The following NIBAN3 variants were observed in gnomAD, a reference collection of about 807,000 sequenced individuals.
NIBAN3 encodes the protein protein Niban 3.
NIBAN3 carries 66 observed loss-of-function variants against 76.4 expected under a neutral mutation model. That is an observed-to-expected ratio of 0.86 (90% CI 0.71 to 1.06). The LOEUF is 1.06. Among genes scored for constraint, NIBAN3 ranks in the 50% least tolerant of loss-of-function variants. The pLI is 0.00. For synonymous variants in NIBAN3, 360 were observed against 355.2 expected, an observed-to-expected ratio of 1.01 and a Z score of -0.15; for missense variants, 808 against 810.7, an observed-to-expected ratio of 1.00 and a Z score of 0.04.
At position 17,542,898 on chromosome 19, in the gene NIBAN3, G is replaced by A. The variant is rs781063336; in HGVS notation, c.1330-419G>A. ...GGATGGGGGATGTCAGTGGGGAGAA[G>A]CAATAAGTGTTTTGAAGTCTGAGAT... On this transcript the variant is annotated intron_variant, in intron 10 of 14. Coordinates refer to ENST00000599164, the MANE Select transcript of NIBAN3 (RefSeq NM_001321827.2). This position sits in a 1 kb window ranked among gnomAD's most constrained non-coding sequence, Gnocchi z 4.8. Among the ~76,000 whole-genome samples the A allele has an allele frequency of 6.6e-6, 1 of 152,154 alleles. No individual in the cohort carries two copies. The highest frequency in any genetic ancestry group is 2.4e-5 in the African/African-American group (1 of 41,442).
intron 5 of NIBAN3, among the ~76,000 whole-genome samples, chr19:17,538,123 T>C (rs573824273): frequency 3.8e-4 from 58 of 150,820 alleles, no homozygotes; most frequent in Middle Eastern, 3.5e-3. Flanking sequence ...CTGTAAAAGA[T>C]GAAGGACTAG....
chr19:17,550,184 A>G (rs747236571), intron 14 of NIBAN3, among the ~76,000 whole-genome samples: 6 of 152,132 alleles, frequency 3.9e-5, no homozygotes, highest in Admixed American at 6.6e-5. Flanking sequence ...CCTGTCGCCA[A>G]CTTGGAAAGG....
chr19:17,538,792 G>A (rs990553466), intron 5 of NIBAN3, among the ~76,000 whole-genome samples: 2 of 152,016 alleles, frequency 1.3e-5, no homozygotes, highest in Admixed American at 6.6e-5. Context: ...GGAAGAAAGG[G>A]AGGAAGGGAA....
rs761275168 is a variant in NIBAN3 at position 17,543,295 on chromosome 19, A to G, written c.1330-22A>G. ...AGGCTGGAGCACAGATTCTGGGGTCATCATAGCATCTCCTCCCACAGCTCA... is the reference window on the plus strand; with the variant it reads ...AGGCTGGAGCACAGATTCTGGGGTCGTCATAGCATCTCCTCCCACAGCTCA... On this transcript the variant is annotated intron_variant, in intron 10 of 14. Transcript: ENST00000599164. The G allele has an allele frequency of 2.7e-6, 4 of 1,493,194 alleles. No individual in the cohort carries two copies. The African/African-American group carries it at 4.2e-5, about 16-fold the overall frequency. The allele number at this position is 1,493,194 out of a possible 1,614,324, so 92.5% of individuals were successfully genotyped here.
upstream of NIBAN3, among the ~76,000 whole-genome samples, chr19:17,523,998 C>T (rs1179861350): frequency 6.6e-6 from 1 of 152,040 alleles, no homozygotes; most frequent in Non-Finnish European, 1.5e-5. Context: ...ACACAATTCT[C>T]CTGCCTCAGC....
intron 9 of NIBAN3, among the ~76,000 whole-genome samples, chr19:17,540,889 A>T (rs906049315): frequency 6.6e-6 from 1 of 152,130 alleles, no homozygotes; most frequent in Admixed American, 6.5e-5. Context: ...GCACGCCACC[A>T]AGCCCAGCTA....
At chr19:17,524,675 A>G (rs8100862), upstream of NIBAN3, among the ~76,000 whole-genome samples, 121,059 of 152,216 alleles carry the variant, frequency 0.8, 48,595 homozygotes, top group Middle Eastern at 0.92. Context: ...TAAGCAAAAC[A>G]GAGGTTTAGC....
At chr19:17,555,377 A>G (rs2076202984), downstream of NIBAN3, among the ~76,000 whole-genome samples, 1 of 152,160 alleles carries the variant, frequency 6.6e-6, no homozygotes, top group African/African-American at 2.4e-5. Flanking sequence ...TACATGGGGA[A>G]ATTGGGCGGC....
intron 1 of NIBAN3, among the ~76,000 whole-genome samples, chr19:17,529,445 G>A (rs1327756899): frequency 6.6e-6 from 1 of 152,212 alleles, no homozygotes; most frequent in Non-Finnish European, 1.5e-5. Flanking sequence ...TGGAGCTCCA[G>A]CCATTGGGTC....
At chr19:17,532,087 G>C (rs369971049) in intron 2 of NIBAN3, among the ~76,000 whole-genome samples, 176 bp from the exon 3 acceptor site, 1 of 152,188 alleles carries the variant, frequency 6.6e-6, no homozygotes, top group African/African-American at 2.4e-5. Context: ...CACCCAGGGC[G>C]GGGGGCTCCA....
intron 5 of NIBAN3, among the ~76,000 whole-genome samples, chr19:17,538,729 A>AGCGAGAAAGAAAGAAGAAAGAAT (rs1442311095): frequency 2.5e-4 from 16 of 63,344 alleles, no homozygotes; most frequent in Non-Finnish European, 5.6e-4. Context: ...GAAGAAAGAA[A>AGCGAGAAAGAAAGAAGAAAGAAT]GCAAGAAAGA....
rs551457155 is a variant in NIBAN3 at position 17,527,770 on chromosome 19, G to A, written c.55+375G>A. ...AGACAGGGTGTCCCTATGTTGGCCA[G>A]TTTGCTTTTGAACTTGTGGGCTCAA... is the stretch of plus-strand genomic sequence containing the variant. On this transcript the variant is annotated intron_variant, in intron 1 of 14. Transcript: ENST00000599164. 2.6e-5 allele frequency among the ~76,000 whole-genome samples: 4 copies of A among 151,778 alleles called. No individual in the cohort carries two copies. The East Asian group carries it at 7.8e-4, about 29-fold the overall frequency.
Position 17,530,861 on chromosome 19 carries a change from C to T in NIBAN3, c.162C>T (p.Thr54=), listed in dbSNP as rs185897431. Residue 54 remains threonine, a synonymous_variant, in exon 2 of 15, where the codon ACC becomes ACT. Transcript: ENST00000599164. ...ISRELGPQEP[T]GSQLLRSKKL... ...GAGAGCTGGGCCCTCAGGAGCCGAC[C>T]GGAAGCCAGTTGCTACGCAGCAAAG... The T allele has an allele frequency of 5.6e-6, 9 of 1,613,282 alleles. No homozygotes were observed. Among genetic ancestry groups the T allele is most frequent in the East Asian group, 2.2e-5 (1 of 44,812 alleles).
chr19:17,546,490 C>T, intron 12 of NIBAN3, 196 bp from the exon 13 acceptor site: 2 of 1,058,674 alleles, frequency 1.9e-6, no homozygotes, highest in Non-Finnish European at 2.3e-6. Context: ...GCTGGGATTA[C>T]AGGCATGAGC....
intron 4 of NIBAN3, among the ~76,000 whole-genome samples, chr19:17,535,493 C>T (rs1190757270): frequency 1.3e-5 from 2 of 152,112 alleles, no homozygotes; most frequent in Non-Finnish European, 2.9e-5. Context: ...GGTGCGGTGG[C>T]TCATGCCTGT....
upstream of NIBAN3, among the ~76,000 whole-genome samples, chr19:17,525,310 A>G (rs531280071): frequency 6.6e-6 from 1 of 151,098 alleles, no homozygotes; most frequent in South Asian, 2.1e-4. Flanking sequence ...TGTAGACTGC[A>G]TGCCCTCCCT....
chr19:17,546,857 G>A, intron 13 of NIBAN3, 60 bp downstream of exon 13: 1 of 1,538,194 alleles, frequency 6.5e-7, no homozygotes, highest in Non-Finnish European at 8.8e-7. Flanking sequence ...TATGTACCGA[G>A]CCCCACCAGG....
At position 17,539,166 on chromosome 19, in the gene NIBAN3, GGC is replaced by G; in HGVS notation, c.613_614del (p.Ala205ProfsTer205). The G allele has an allele frequency of 6.3e-7, 1 of 1,596,430 alleles. No individual in the cohort carries two copies. The highest frequency in any genetic ancestry group is 8.5e-7 in the Non-Finnish European group (1 of 1,172,296). On this transcript the variant is annotated frameshift_variant, in exon 6 of 15. Transcript: ENST00000599164. LOFTEE classifies it high-confidence loss of function. The part of the protein sequence containing the change: ...LQGIVLQRSQ[A>X]PAARAFLDAV... ...CCCTCTCAGTCCTGCAGCGAAGCCA[GGC>G]CCCTGCTGCCCGGGCCTTCCTGGAC...
At chr19:17,530,337 A>T (rs2075694728) in intron 1 of NIBAN3, among the ~76,000 whole-genome samples, 2 of 150,412 alleles carry the variant, frequency 1.3e-5, no homozygotes, top group South Asian at 4.2e-4. Context: ...AACAAAAAAC[A>T]AAACAAAACA....
Sources: gnomAD v4.1 joint callset for allele counts (sites outside exome capture counted in the v4.1 genomes callset) on GRCh38, gnomAD v4.1.1 for gene constraint, Gnocchi (gnomAD v3.1) non-coding constraint, MANE v1.5 for transcripts, NCBI Gene and HGNC (gene_info 2026-07-23, HGNC 2026-07-21) for gene names.